ATRNL1: variants seen among roughly 807,000 people sequenced by gnomAD.
ATRNL1 encodes the protein attractin like 1.
Under a neutral mutation model 182.7 loss-of-function variants are expected in ATRNL1, and 95 were observed. The ratio of observed to expected loss-of-function variants is 0.52; its 90% CI spans 0.44 to 0.62. The LOEUF is 0.62. Ranked by LOEUF, ATRNL1 falls within the 20% of genes least tolerant of loss-of-function variation. The pLI is 0.00. For synonymous variants in ATRNL1, 576 were observed against 568.3 expected (o/e 1.01, Z -0.19); for missense variants, 1,471 against 1,679.5 (o/e 0.88, Z 2.17).
At chr10:115,347,143 T>A (rs1194911447) in intron 19 of ATRNL1, among the ~76,000 whole-genome samples, 1 of 152,202 alleles carries the variant, frequency 6.6e-6, no homozygotes, top group Non-Finnish European at 1.5e-5. Context: ...TTCACATTAA[T>A]TTTTGTTACT....
chr10:115,240,372 C>T (rs1850365901), intron 9 of ATRNL1, among the ~76,000 whole-genome samples: 1 of 151,948 alleles, frequency 6.6e-6, no homozygotes, highest in Admixed American at 6.6e-5. Flanking sequence ...CTGCCTCAGC[C>T]TCCCGAGTAG....
intron 26 of ATRNL1, among the ~76,000 whole-genome samples, chr10:115,625,873 C>T (rs1455670179): frequency 6.6e-6 from 1 of 152,122 alleles, no homozygotes; most frequent in Non-Finnish European, 1.5e-5. Flanking sequence ...CAAATCTAAG[C>T]CCCTCAAGCA....
At chr10:115,303,203 G>C (rs1853565310) in intron 17 of ATRNL1, among the ~76,000 whole-genome samples, 1 of 144,872 alleles carries the variant, frequency 6.9e-6, no homozygotes, top group South Asian at 2.2e-4. Flanking sequence ...AATCACCTGA[G>C]ATAAAGTTGG....
chr10:115,131,418 G>A (rs1845230591), intron 5 of ATRNL1, among the ~76,000 whole-genome samples: 2 of 152,024 alleles, frequency 1.3e-5, no homozygotes, highest in African/African-American at 4.8e-5. Context: ...GAGATAATAT[G>A]GTGTTTTCAA....
chr10:115,610,041 A>G (rs1356068772), intron 26 of ATRNL1, among the ~76,000 whole-genome samples: 1 of 152,196 alleles, frequency 6.6e-6, no homozygotes, highest in African/African-American at 2.4e-5. Flanking sequence ...GCTATATTCT[A>G]TGCTGAATAC....
intron 27 of ATRNL1, among the ~76,000 whole-genome samples, chr10:115,843,770 T>C (rs1453543199): frequency 6.6e-6 from 1 of 152,122 alleles, no homozygotes; most frequent in Non-Finnish European, 1.5e-5. Flanking sequence ...TTAATGTCTT[T>C]AAAGAACTTT....
At chr10:115,604,278 G>A (rs1555016930) in intron 26 of ATRNL1, among the ~76,000 whole-genome samples, 1 of 152,094 alleles carries the variant, frequency 6.6e-6, no homozygotes, top group East Asian at 1.9e-4. Context: ...TAATTCTTTT[G>A]AGGCTTGTTT....
chr10:115,302,167 C>T, intron 17 of ATRNL1, 124 bp downstream of exon 17: 1 of 905,706 alleles, frequency 1.1e-6, no homozygotes, highest in Non-Finnish European at 1.6e-6. Flanking sequence ...GTTACGGCTA[C>T]TTTTGAAACC....
chr10:115,657,242 C>G (rs1182336610), intron 26 of ATRNL1, among the ~76,000 whole-genome samples: 1 of 152,006 alleles, frequency 6.6e-6, no homozygotes, highest in Non-Finnish European at 1.5e-5. Flanking sequence ...TGTGACTGTG[C>G]TACAAACATA....
Position 115,179,525 on chromosome 10 carries a change from C to A in ATRNL1, c.1348+8233C>A, listed in dbSNP as rs141184592. On this transcript the variant is annotated intron_variant, in intron 8 of 28. Transcript: ENST00000355044. ...TCTCAGGATATTGCCCTGGTCATACCTTTATAAATAGCCTTTATTAGATAC... is the reference window on the plus strand; with the variant it reads ...TCTCAGGATATTGCCCTGGTCATACATTTATAAATAGCCTTTATTAGATAC... Among the ~76,000 whole-genome samples, 154 of 152,180 alleles carry A rather than the reference C, an allele frequency of 1.0e-3. 2 individuals carry two copies. In the East Asian group the frequency reaches 0.029, roughly 29 times the overall value.
chr10:115,828,980 G>A (rs1476164311), intron 27 of ATRNL1, among the ~76,000 whole-genome samples: 1 of 152,166 alleles, frequency 6.6e-6, no homozygotes, highest in African/African-American at 2.4e-5. Context: ...TTTTAGGGGA[G>A]AGGGCCTTGG....
Position 115,448,660 on chromosome 10 carries a change from A to C in ATRNL1, c.3323-13281A>C, listed in dbSNP as rs147236372. Among the ~76,000 whole-genome samples the C allele has an allele frequency of 5.7e-3, 871 of 152,238 alleles. 4 individuals carry two copies. The highest frequency in any genetic ancestry group is 0.019 in the African/African-American group (783 of 41,562). On this transcript the variant is annotated intron_variant, in intron 21 of 28. Coordinates refer to ENST00000355044, the MANE Select transcript of ATRNL1 (RefSeq NM_207303.4). ...AACCCCAAAGTTAGCAGAAGACAAG[A>C]AATAACCGAAATTAGAGCTGAACTG...
At chr10:115,287,766 A>G (rs1322265937) in intron 15 of ATRNL1, among the ~76,000 whole-genome samples, 3 of 152,098 alleles carry the variant, frequency 2.0e-5, no homozygotes, top group African/African-American at 7.2e-5. Context: ...ATTGTTAACA[A>G]TAGTCATCCT....
intron 21 of ATRNL1, among the ~76,000 whole-genome samples, chr10:115,436,966 G>A (rs1554964904): frequency 6.6e-6 from 1 of 152,054 alleles, no homozygotes. Flanking sequence ...TTTTGGGAAT[G>A]TATTTCCAAA....
intron 28 of ATRNL1, among the ~76,000 whole-genome samples, chr10:115,854,620 A>G (rs1464298902): frequency 6.6e-6 from 1 of 152,194 alleles, no homozygotes; most frequent in Non-Finnish European, 1.5e-5. Context: ...GTTCAGATGT[A>G]AAGTGAGCCG....
intron 25 of ATRNL1, among the ~76,000 whole-genome samples, chr10:115,548,787 A>G (rs902239580): frequency 2.0e-5 from 3 of 152,130 alleles, no homozygotes; most frequent in Non-Finnish European, 1.5e-5. Flanking sequence ...CAGCCTCGGT[A>G]CTACTGACAT....
intron 9 of ATRNL1, among the ~76,000 whole-genome samples, chr10:115,223,678 G>A (rs1191854045): frequency 6.6e-6 from 1 of 151,554 alleles, no homozygotes; most frequent in Non-Finnish European, 1.5e-5. Context: ...CATATACATG[G>A]TTTCCAAGAA....
intron 19 of ATRNL1, among the ~76,000 whole-genome samples, chr10:115,353,428 A>T (rs782292125): frequency 1.3e-5 from 2 of 151,368 alleles, no homozygotes; most frequent in Non-Finnish European, 2.9e-5. Context: ...ATTTCATTTC[A>T]TTTCCTTCAT....
In ATRNL1 at chr10:115,945,159, T is replaced by G. The variant is rs1953848447; in HGVS notation, c.*380T>G. The G allele has an allele frequency of 6.4e-6, 1 of 155,142 alleles. No individual in the cohort carries two copies. The highest frequency in any genetic ancestry group is 2.4e-5 in the African/African-American group (1 of 41,552). The allele number at this position is 155,142 out of a possible 1,614,324, so 9.6% of individuals were successfully genotyped here. A position where few individuals can be genotyped will look rare whatever the true frequency, so the allele number is the denominator to read the frequency against. ...TGCCTGAATGATGAGAATTGTACAG[T>G]TTTTGCCTCATAAGCAAACTTGAAT... On this transcript the variant is annotated 3_prime_UTR_variant, in exon 29 of 29. Coordinates refer to ENST00000355044, the MANE Select transcript of ATRNL1 (RefSeq NM_207303.4).
Sources: allele counts gnomAD v4.1 joint callset (sites outside exome capture counted in the v4.1 genomes callset), GRCh38; gene constraint gnomAD v4.1.1; transcripts MANE v1.5; gene names NCBI Gene and HGNC (gene_info 2026-07-23, HGNC 2026-07-21).